The following CSK variants were observed in gnomAD, a reference collection of about 807,000 sequenced individuals.
The protein encoded by CSK is C-terminal Src kinase, also known as tyrosine-protein kinase CSK.
CSK carries 7 observed loss-of-function variants against 62.3 expected under a neutral mutation model. That is an observed-to-expected ratio of 0.11 (90% CI 0.06 to 0.21). CSK has a LOEUF of 0.21. CSK is among the 10% of genes least tolerant of loss of function. The pLI, the probability that CSK is intolerant of heterozygous loss-of-function variation, is 1.00. For synonymous variants in CSK, 237 were observed against 246.0 expected (o/e 0.96, Z 0.34); for missense variants, 294 against 613.5 (o/e 0.48, Z 5.50).
At position 74,798,590 on chromosome 15, in the gene CSK, C is replaced by T. The variant is rs180782355; in HGVS notation, c.16-25C>T. ...GGCTGGAGGGGGCCCAGGCTGCACCCGCCCACGTGTCACCTGCCTTGCAGG... is the reference window on the plus strand; with the variant it reads ...GGCTGGAGGGGGCCCAGGCTGCACCTGCCCACGTGTCACCTGCCTTGCAGG... On this transcript the variant is annotated intron_variant, in intron 2 of 12. Transcript: ENST00000220003. This position sits in a 1 kb window ranked among gnomAD's most constrained non-coding sequence, Gnocchi z 6.6. 7.2e-4 allele frequency: 1,147 copies of T among 1,603,210 alleles called. 6 individuals are homozygous for T. In the African/African-American group the frequency reaches 0.013, roughly 19 times the overall value.
chr15:74,782,777 G>C lies in CSK; in HGVS notation c.-66+57G>C, dbSNP rs1182670822. The C allele has an allele frequency of 6.6e-6, 1 of 152,484 alleles. No homozygotes were observed. Among genetic ancestry groups the C allele is most frequent in the Non-Finnish European group, 1.5e-5 (1 of 68,254 alleles). 9.4% of individuals were successfully genotyped at this position (152,484 alleles called of 1,614,324 possible). A position where few individuals can be genotyped will look rare whatever the true frequency, so the allele number is the denominator to read the frequency against. On this transcript the variant is annotated intron_variant, in intron 1 of 12. Transcript: ENST00000220003. The surrounding 1 kb of genome is among the most constrained non-coding windows in gnomAD (Gnocchi z 5.7). ...GGAGGGAAGAGGGTGGAGGTCGCGC[G>C]TCTAGTCTCTGTTGCTGCCACTGTC... is the stretch of plus-strand genomic sequence containing the variant.
chr15:74,795,538 G>A (rs4886409), intron 1 of CSK, among the ~76,000 whole-genome samples: 12,736 of 152,076 alleles, frequency 0.084, 1,093 homozygotes, highest in South Asian at 0.4. Context: ...TTCCTCACCC[G>A]TAGAAAGGAA....
chr15:74,800,768 G>C (rs1314430989), intron 7 of CSK, 22 bp downstream of exon 7: 5 of 1,583,254 alleles, frequency 3.2e-6, no homozygotes, highest in Non-Finnish European at 3.4e-6. Context: ...CGGGCCCCCT[G>C]GGGGGGTTCT....
intron 12 of CSK, 75 bp downstream of exon 12, chr15:74,802,158 C>A: frequency 2.0e-6 from 3 of 1,489,664 alleles, no homozygotes; most frequent in South Asian, 1.2e-5. Flanking sequence ...CCTCCTTGGG[C>A]CCTGCCTCCC....
Position 74,801,537 on chromosome 15 carries a change from T to C in CSK, c.829T>C (p.Tyr277His). ...EYMAKGSLVDYLRSRGRSVLG... is the reference protein window; with the variant it reads ...EYMAKGSLVDHLRSRGRSVLG... ...CTGCCCCCAGGGGAGCCTTGTGGAC[T>C]ACCTGCGGTCTAGGGGTCGGTCAGT... Residue 277 changes from tyrosine to histidine, a missense_variant, in exon 10 of 13, where the codon TAC (tyrosine) becomes CAC (histidine). Tyr to His is a moderately conservative substitution (Grantham distance 83, BLOSUM62 2). This residue lies in a region of CSK where 202 missense variants were observed against 415.7 expected (regional missense o/e 0.49). Transcript: ENST00000220003. The C allele has an allele frequency of 6.2e-7, 1 of 1,613,510 alleles. No homozygotes were observed. Among genetic ancestry groups the C allele is most frequent in the Non-Finnish European group, 8.5e-7 (1 of 1,179,648 alleles).
In CSK at chr15:74,782,339, TGGAGCGCGAGGAGCCCCGCGGCC is replaced by T. The variant is rs2063447160; in HGVS notation, c.-446_-424del. On this transcript the variant is annotated 5_prime_UTR_variant, in exon 1 of 13. Transcript: ENST00000220003. The surrounding 1 kb of genome is among the most constrained non-coding windows in gnomAD (Gnocchi z 5.7). ...TCTGGCCGCCGGAGCCCGCGGGGCG[TGGAGCGCGAGGAGCCCCGCGGCC>T]CCGATCGAGCGTCCGGGGCGGCCCC... 1 of 148,784 alleles carries T rather than the reference TGGAGCGCGAGGAGCCCCGCGGCC, an allele frequency of 6.7e-6. No individual in the cohort carries two copies. Among genetic ancestry groups the T allele is most frequent in the African/African-American group, 2.5e-5 (1 of 40,574 alleles). The allele number at this position is 148,784 out of a possible 1,614,324, so 9.2% of individuals were successfully genotyped here.
At chr15:74,800,333 C>T in intron 5 of CSK, 79 bp from the exon 6 acceptor site, 1 of 1,316,726 alleles carries the variant, frequency 7.6e-7, no homozygotes, top group Non-Finnish European at 1.1e-6. Context: ...CCTCTGCCGC[C>T]CTCTGGTGGT....
chr15:74,798,178 C>A lies in CSK; in HGVS notation c.-65-55C>A. Reference sequence around the variant, plus strand: ...TGCCCAGTGAGGAGCCAGATCTCAGCAGTTGGGGGGCATTTCTTCACACCC... The same window carrying A: ...TGCCCAGTGAGGAGCCAGATCTCAGAAGTTGGGGGGCATTTCTTCACACCC... On this transcript the variant is annotated intron_variant, in intron 1 of 12. Coordinates refer to ENST00000220003, the MANE Select transcript of CSK (RefSeq NM_004383.3). This position sits in a 1 kb window ranked among gnomAD's most constrained non-coding sequence, Gnocchi z 6.6. The A allele has an allele frequency of 1.8e-6, 2 of 1,115,744 alleles. No homozygotes were observed. The highest frequency in any genetic ancestry group is 2.5e-6 in the Non-Finnish European group (2 of 791,218). The allele number at this position is 1,115,744 out of a possible 1,614,324, so 69.1% of individuals were successfully genotyped here.
At chr15:74,795,192 AG>A (rs2063686202) in intron 1 of CSK, among the ~76,000 whole-genome samples, 1 of 152,074 alleles carries the variant, frequency 6.6e-6, no homozygotes, top group South Asian at 2.1e-4. Context: ...TGCAATCTTC[AG>A]GGCTCAGCCC....
Position 74,798,274 on chromosome 15 carries a change from G to T in CSK, c.-24G>T. 6.4e-7 allele frequency: 1 copy of T among 1,555,360 alleles called. No individual in the cohort carries two copies. The highest frequency in any genetic ancestry group is 1.2e-5 in the South Asian group (1 of 80,980). On this transcript the variant is annotated 5_prime_UTR_variant, in exon 2 of 13. Coordinates refer to ENST00000220003, the MANE Select transcript of CSK (RefSeq NM_004383.3). The surrounding 1 kb of genome is among the most constrained non-coding windows in gnomAD (Gnocchi z 6.6). ...TGACAGGTTGGCTTTACTGTGACTC[G>T]GGGACGCCAGAGCTCCTGAGAAGAT...
intron 5 of CSK, among the ~76,000 whole-genome samples, chr15:74,800,056 T>C (rs1256136867): frequency 6.6e-6 from 1 of 152,164 alleles, no homozygotes; most frequent in Non-Finnish European, 1.5e-5. Context: ...CTCCCTCCCC[T>C]ACTGGCCTGG....
At chr15:74,797,535 A>G (rs1004606825) in intron 1 of CSK, among the ~76,000 whole-genome samples, 2 of 152,206 alleles carry the variant, frequency 1.3e-5, no homozygotes, top group Non-Finnish European at 2.9e-5. Context: ...AAAAAAGAAA[A>G]GAAAAGAAAT....
Position 74,798,273 on chromosome 15 carries a change from C to T in CSK, c.-25C>T, listed in dbSNP as rs750801661. The T allele has an allele frequency of 3.2e-6, 5 of 1,554,660 alleles. No homozygotes were observed. Among genetic ancestry groups the T allele is most frequent in the African/African-American group, 1.4e-5 (1 of 73,406 alleles). ...GTGACAGGTTGGCTTTACTGTGACT[C>T]GGGGACGCCAGAGCTCCTGAGAAGA... On this transcript the variant is annotated 5_prime_UTR_variant, in exon 2 of 13. Coordinates refer to ENST00000220003, the MANE Select transcript of CSK (RefSeq NM_004383.3). This position sits in a 1 kb window ranked among gnomAD's most constrained non-coding sequence, Gnocchi z 6.6.
chr15:74,794,959 C>A (rs2063682683), intron 1 of CSK, among the ~76,000 whole-genome samples: 1 of 152,150 alleles, frequency 6.6e-6, no homozygotes. Flanking sequence ...TGAAACCATC[C>A]CCTACAGTGT....
Position 74,798,031 on chromosome 15 carries a change from C to T in CSK, c.-65-202C>T. 4.7e-6 allele frequency: 2 copies of T among 423,864 alleles called. No individual in the cohort carries two copies. The highest frequency in any genetic ancestry group is 8.5e-6 in the Non-Finnish European group (2 of 235,334). 26.3% of individuals were successfully genotyped at this position (423,864 alleles called of 1,614,324 possible). ...CCCTGTGGCCTTAGGGTTGGTGGCT[C>T]CCTCTGCCCCTGGGGGTCCTCAGCC... On this transcript the variant is annotated intron_variant, in intron 1 of 12. Transcript: ENST00000220003. This position sits in a 1 kb window ranked among gnomAD's most constrained non-coding sequence, Gnocchi z 6.6.
chr15:74,802,673 TTGGACCCACCTGTGGGGC>T lies in CSK; in HGVS notation c.*161_*178del, dbSNP rs2141104523. The T allele has an allele frequency of 1.1e-6, 1 of 889,416 alleles. No individual in the cohort carries two copies. Among genetic ancestry groups the T allele is most frequent in the African/African-American group, 1.8e-5 (1 of 56,860 alleles). 55.1% of individuals were successfully genotyped at this position (889,416 alleles called of 1,614,324 possible). Reference sequence around the variant, plus strand: ...CTGCACCCCTCCGGCCCCGTCTCTCTTGGACCCACCTGTGGGGCCTGGGGAGCCCACTGAGGGGCCAGG... The same window carrying T: ...CTGCACCCCTCCGGCCCCGTCTCTCTCTGGGGAGCCCACTGAGGGGCCAGG... On this transcript the variant is annotated 3_prime_UTR_variant, in exon 13 of 13. Coordinates refer to ENST00000220003, the MANE Select transcript of CSK (RefSeq NM_004383.3).
In CSK at chr15:74,798,151, C is replaced by A; in HGVS notation, c.-65-82C>A. ...GCGCAGGACACTCTTGGCACCTGTT[C>A]ATGCCCAGTGAGGAGCCAGATCTCA... On this transcript the variant is annotated intron_variant, in intron 1 of 12. Coordinates refer to ENST00000220003, the MANE Select transcript of CSK (RefSeq NM_004383.3). The surrounding 1 kb of genome is among the most constrained non-coding windows in gnomAD (Gnocchi z 6.6). 1.2e-6 allele frequency: 1 copy of A among 803,462 alleles called. No individual in the cohort carries two copies. Among genetic ancestry groups the A allele is most frequent in the Non-Finnish European group, 1.9e-6 (1 of 513,914 alleles). The allele number at this position is 803,462 out of a possible 1,614,324, so 49.8% of individuals were successfully genotyped here.
intron 4 of CSK, 147 bp downstream of exon 4, chr15:74,799,085 C>G: frequency 1.0e-6 from 1 of 958,284 alleles, no homozygotes; most frequent in African/African-American, 1.6e-5. Context: ...CGGGACCTCA[C>G]AGAGCAGGGC....
intron 1 of CSK, among the ~76,000 whole-genome samples, chr15:74,797,546 T>C (rs2063725750): frequency 1.3e-5 from 2 of 152,116 alleles, no homozygotes; most frequent in South Asian, 4.1e-4. Context: ...GAAAAGAAAT[T>C]CATCAGTGTT....
Sources: allele counts gnomAD v4.1 joint callset (sites outside exome capture counted in the v4.1 genomes callset), GRCh38; gene constraint gnomAD v4.1.1; regional missense constraint gnomAD v4.1.1; non-coding constraint Gnocchi (gnomAD v3.1); transcripts MANE v1.5; gene names NCBI Gene and HGNC (gene_info 2026-07-23, HGNC 2026-07-21).